KBTBD11: variants seen among roughly 807,000 people sequenced by gnomAD.
KBTBD11 encodes the protein kelch repeat and BTB domain-containing protein 11.
For missense variants in KBTBD11, 1,390 were observed against 1,001.8 expected, an observed-to-expected ratio of 1.39 and a Z score of -5.23; for synonymous variants, 747 against 499.0, an observed-to-expected ratio of 1.50 and a Z score of -6.63.
rs1025684662 is a variant in KBTBD11 at position 2,004,562 on chromosome 8, T to A, written c.*1498T>A. 1 of 166,964 alleles carries A rather than the reference T, an allele frequency of 6.0e-6. No individual in the cohort carries two copies. The highest frequency in any genetic ancestry group is 6.5e-5 in the Admixed American group (1 of 15,280). The allele number at this position is 166,964 out of a possible 1,614,324, so 10.3% of individuals were successfully genotyped here. On this transcript the variant is annotated 3_prime_UTR_variant, in exon 2 of 2. Transcript: ENST00000320248. ...AAAATAGGTTATGCTTTTTAAAGAG[T>A]CTGTGGTTATGAGAGGTCTCAGTTA...
At chr8:1,993,958 C>CAAAAAA (rs1491480347) in intron 1 of KBTBD11, among the ~76,000 whole-genome samples, 5 of 148,244 alleles carry the variant, frequency 3.4e-5, no homozygotes, top group African/African-American at 1.3e-4. Context: ...CACACACACA[C>CAAAAAA]AAAACCCCAT....
At chr8:1,993,647 T>C (rs1374466830) in intron 1 of KBTBD11, among the ~76,000 whole-genome samples, 1 of 151,432 alleles carries the variant, frequency 6.6e-6, no homozygotes, top group East Asian at 1.9e-4. Flanking sequence ...TAATCCTCCT[T>C]TCTGTGAATT....
chr8:1,991,427 C>T (rs964830686), intron 1 of KBTBD11, among the ~76,000 whole-genome samples: 20 of 152,268 alleles, frequency 1.3e-4, no homozygotes, highest in African/African-American at 4.6e-4. Context: ...TGTCCTTCGG[C>T]ACCACATGCT....
intron 1 of KBTBD11, among the ~76,000 whole-genome samples, chr8:1,999,381 T>C (rs539507114): frequency 6.6e-6 from 1 of 152,210 alleles, no homozygotes; most frequent in Admixed American, 6.5e-5. Flanking sequence ...GCATTCTGTA[T>C]AAAGATAAGC....
chr8:2,002,182 C>A lies in KBTBD11; in HGVS notation c.990C>A (p.Phe330Leu), dbSNP rs766701418. 14 of 1,246,362 alleles carry A rather than the reference C, an allele frequency of 1.1e-5. No individual in the cohort carries two copies. The South Asian group carries it at 2.2e-4, about 20-fold the overall frequency. 77.2% of individuals were successfully genotyped at this position (1,246,362 alleles called of 1,614,324 possible). The change falls in exon 2 of 2, where the codon TTC (phenylalanine) becomes TTA (leucine). Residue 330 changes from phenylalanine (F) to leucine (L), a missense_variant. By Grantham distance (22) the Phe-to-Leu change is conservative. Transcript: ENST00000320248. The surrounding 1 kb of genome is among the most constrained non-coding windows in gnomAD (Gnocchi z 4.1). ...DARGDAAVYCFHAAAGEWREL... is the reference protein window; with the variant it reads ...DARGDAAVYCLHAAAGEWREL... ...GCGGGGACGCGGCCGTCTACTGCTTCCACGCGGCGGCCGGAGAGTGGCGCG... is the reference window on the plus strand; with the variant it reads ...GCGGGGACGCGGCCGTCTACTGCTTACACGCGGCGGCCGGAGAGTGGCGCG...
chr8:2,002,209 G>C lies in KBTBD11; in HGVS notation c.1017G>C (p.Glu339Asp). The C allele has an allele frequency of 7.9e-7, 1 of 1,262,892 alleles. No individual in the cohort carries two copies. Among genetic ancestry groups the C allele is most frequent in the Non-Finnish European group, 9.9e-7 (1 of 1,008,030 alleles). 78.2% of individuals were successfully genotyped at this position (1,262,892 alleles called of 1,614,324 possible). ...CFHAAAGEWR[E>D]LTRLPEGAPA... Reference sequence around the variant, plus strand: ...ACGCGGCGGCCGGAGAGTGGCGCGAGCTGACGCGGCTGCCCGAGGGCGCGC... The same window carrying C: ...ACGCGGCGGCCGGAGAGTGGCGCGACCTGACGCGGCTGCCCGAGGGCGCGC... Residue 339 changes from glutamate to aspartate, a missense_variant, in exon 2 of 2, where the codon GAG becomes GAC. Glu to Asp is a conservative substitution (Grantham distance 45). Coordinates refer to ENST00000320248, the MANE Select transcript of KBTBD11 (RefSeq NM_014867.3). This position sits in a 1 kb window ranked among gnomAD's most constrained non-coding sequence, Gnocchi z 4.1.
chr8:1,977,523 A>T (rs982669125), intron 1 of KBTBD11, among the ~76,000 whole-genome samples: 5 of 151,816 alleles, frequency 3.3e-5, no homozygotes, highest in African/African-American at 1.2e-4. Flanking sequence ...AATGATTTTT[A>T]TTATTATTAT....
chr8:2,003,130 CG>C lies in KBTBD11; in HGVS notation c.*68del. On this transcript the variant is annotated 3_prime_UTR_variant, in exon 2 of 2. Transcript: ENST00000320248. ...CGGGGCCCAGGTCCCTTTGGGCCCG[CG>C]GAGGAGGACGTGGTGGGGAGTCGGG... 1 of 1,249,048 alleles carries C rather than the reference CG, an allele frequency of 8.0e-7. No individual in the cohort carries two copies. Among genetic ancestry groups the C allele is most frequent in the Non-Finnish European group, 1.0e-6 (1 of 989,656 alleles). 77.4% of individuals were successfully genotyped at this position (1,249,048 alleles called of 1,614,324 possible). A position where few individuals can be genotyped will look rare whatever the true frequency, so the allele number is the denominator to read the frequency against.
At position 1,973,794 on chromosome 8, in the gene KBTBD11, G is replaced by A. The variant is rs1816204147; in HGVS notation, c.-1050G>A. ...CGCCCACGCCCCGCTGCGGGTCGGA[G>A]GAGCAGCTCCCGCTCGCAGGTGCTC... On this transcript the variant is annotated 5_prime_UTR_variant, in exon 1 of 2. Transcript: ENST00000320248. 4.1e-6 allele frequency: 4 copies of A among 983,658 alleles called. No individual in the cohort carries two copies. In the South Asian group the frequency reaches 1.4e-4, roughly 35 times the overall value. 60.9% of individuals were successfully genotyped at this position (983,658 alleles called of 1,614,324 possible).
chr8:1,997,958 G>T (rs945222361), intron 1 of KBTBD11, among the ~76,000 whole-genome samples: 1 of 152,210 alleles, frequency 6.6e-6, no homozygotes, highest in Admixed American at 6.5e-5. Context: ...TGTTGGAAAA[G>T]TAACATAAAG....
rs1817459475 is a variant in KBTBD11, at chr8:2,003,072, G to T, written c.*8G>T. ...GAGCAGGGCGCCCCGTAGGCCGGCG[G>T]GGTCGGCGGGCGTCTCCCTCGGCAG... On this transcript the variant is annotated 3_prime_UTR_variant, in exon 2 of 2. Coordinates refer to ENST00000320248, the MANE Select transcript of KBTBD11 (RefSeq NM_014867.3). 4 of 1,258,046 alleles carry T rather than the reference G, an allele frequency of 3.2e-6. No individual in the cohort carries two copies. In the African/African-American group the frequency reaches 4.7e-5, roughly 15 times the overall value. 77.9% of individuals were successfully genotyped at this position (1,258,046 alleles called of 1,614,324 possible). A position where few individuals can be genotyped will look rare whatever the true frequency, so the allele number is the denominator to read the frequency against.
rs1563386581 is a variant in KBTBD11 at position 2,006,451 on chromosome 8, G to A, written c.*3387G>A. The A allele has an allele frequency of 1.2e-5, 2 of 166,846 alleles. No individual in the cohort carries two copies. The highest frequency in any genetic ancestry group is 1.3e-4 in the Admixed American group (2 of 15,284). The allele number at this position is 166,846 out of a possible 1,614,324, so 10.3% of individuals were successfully genotyped here. A position where few individuals can be genotyped will look rare whatever the true frequency, so the allele number is the denominator to read the frequency against. The stretch of plus-strand genomic sequence containing the variant: ...TGGGTTAAAAATCAATCAACTTTCT[G>A]ATATTTCCCCTTCTGCAATGTTATT... On this transcript the variant is annotated 3_prime_UTR_variant, in exon 2 of 2. Transcript: ENST00000320248.
Position 1,993,408 on chromosome 8 carries a change from TCCATCCATCCATCCACCCACCCAC to T in KBTBD11, c.-908-6863_-908-6840del, listed in dbSNP as rs1309636002. Among the ~76,000 whole-genome samples, 43 of 94,602 alleles carry T rather than the reference TCCATCCATCCATCCACCCACCCAC, an allele frequency of 4.5e-4. 1 individual carries two copies. Among genetic ancestry groups the T allele is most frequent in the African/African-American group, 8.2e-4 (27 of 32,932 alleles). The allele number at this position is 94,602 out of a possible 152,430, so 62.1% of individuals were successfully genotyped here. A position where few individuals can be genotyped will look rare whatever the true frequency, so the allele number is the denominator to read the frequency against. ...GTCCGTCCGTCCATCCATCCATCCATCCATCCATCCATCCACCCACCCACCCATCCATCCATCTATCCATCCAAT... is the reference window on the plus strand; with the variant it reads ...GTCCGTCCGTCCATCCATCCATCCATCCATCCATCCATCTATCCATCCAAT... On this transcript the variant is annotated intron_variant, in intron 1 of 1. Transcript: ENST00000320248.
At position 2,006,033 on chromosome 8, in the gene KBTBD11, G is replaced by A. The variant is rs1271810105; in HGVS notation, c.*2969G>A. 1 of 167,050 alleles carries A rather than the reference G, an allele frequency of 6.0e-6. No homozygotes were observed. The highest frequency in any genetic ancestry group is 2.4e-5 in the African/African-American group (1 of 41,436). The allele number at this position is 167,050 out of a possible 1,614,324, so 10.3% of individuals were successfully genotyped here. The stretch of plus-strand genomic sequence containing the variant: ...TTTGTAGAGCTGGATTTGGAACTTC[G>A]GGATTTGGTTTCTGAGTCTGTGGAG... On this transcript the variant is annotated 3_prime_UTR_variant, in exon 2 of 2. Coordinates refer to ENST00000320248, the MANE Select transcript of KBTBD11 (RefSeq NM_014867.3).
chr8:2,002,970 C>A lies in KBTBD11; in HGVS notation c.1778C>A (p.Ala593Glu). 7.6e-7 allele frequency: 1 copy of A among 1,314,250 alleles called. No individual in the cohort carries two copies. Among genetic ancestry groups the A allele is most frequent in the Non-Finnish European group, 9.7e-7 (1 of 1,032,784 alleles). 81.4% of individuals were successfully genotyped at this position (1,314,250 alleles called of 1,614,324 possible). ...GDAGQGGGFE[A>E]LGAPLDVRGV... ...GCAGGCCAGGGCGGCGGCTTCGAGG[C>A]GCTGGGCGCCCCCTTGGACGTCCGG... Residue 593 changes from alanine (A) to glutamate (E), a missense_variant, in exon 2 of 2, where the codon GCG becomes GAG. Physicochemically the swap from Ala to Glu is moderately radical, Grantham distance 107. Transcript: ENST00000320248. This position sits in a 1 kb window ranked among gnomAD's most constrained non-coding sequence, Gnocchi z 4.1.
chr8:2,002,583 G>C lies in KBTBD11; in HGVS notation c.1391G>C (p.Gly464Ala). The change falls in exon 2 of 2, where the codon GGC becomes GCC. Residue 464 changes from glycine to alanine, a missense_variant. Gly to Ala is a moderately conservative substitution (Grantham distance 60, BLOSUM62 0). Transcript: ENST00000320248. The surrounding 1 kb of genome is among the most constrained non-coding windows in gnomAD (Gnocchi z 4.1). ...CACGGCGAGATCTACGTGTCCGGGG[G>C]CTCCCTCTTCTATCGCCTGCTCAAG... ...TCHGEIYVSG[G>A]SLFYRLLKYD... 1.3e-6 allele frequency: 2 copies of C among 1,583,170 alleles called. No homozygotes were observed. Among genetic ancestry groups the C allele is most frequent in the Non-Finnish European group, 1.7e-6 (2 of 1,173,680 alleles).
chr8:1,978,497 G>A (rs539217816), intron 1 of KBTBD11, among the ~76,000 whole-genome samples: 1 of 152,310 alleles, frequency 6.6e-6, no homozygotes, highest in African/African-American at 2.4e-5. Context: ...CCATGTACTC[G>A]CTGCAGCGTG....
At chr8:1,986,647 T>G (rs1563366846) in intron 1 of KBTBD11, among the ~76,000 whole-genome samples, 1 of 152,218 alleles carries the variant, frequency 6.6e-6, no homozygotes, top group South Asian at 2.1e-4. Flanking sequence ...GGTGATTAAC[T>G]GTACTTAGGT....
chr8:2,000,046 C>G (rs1264221516), intron 1 of KBTBD11, among the ~76,000 whole-genome samples: 1 of 152,162 alleles, frequency 6.6e-6, no homozygotes, highest in Non-Finnish European at 1.5e-5. Context: ...TTGAACTGGA[C>G]TCTCCTGAGT....
Sources: gnomAD v4.1 joint callset for allele counts (sites outside exome capture counted in the v4.1 genomes callset) on GRCh38, gnomAD v4.1.1 for gene constraint, Gnocchi (gnomAD v3.1) non-coding constraint, MANE v1.5 for transcripts, NCBI Gene and HGNC (gene_info 2026-07-23, HGNC 2026-07-21) for gene names.